Variants in LRRC4C observed in about 807,000 individuals in gnomAD.
LRRC4C encodes leucine rich repeat containing 4C.
In LRRC4C, 5 loss-of-function variants were observed where a neutral mutation model predicts 33.6. The observed-to-expected ratio is 0.15, with a 90% CI of 0.08 to 0.31. The LOEUF is 0.31. LRRC4C is among the 10% of genes least tolerant of loss of function. The pLI, the probability that LRRC4C is intolerant of heterozygous loss-of-function variation, is 1.00. For missense variants in LRRC4C, 560 were observed against 796.7 expected (o/e 0.70, Z 3.58); for synonymous variants, 329 against 302.0 (o/e 1.09, Z -0.93).
chr11:41,074,483 C>T lies in LRRC4C; in HGVS notation c.-495-140760G>A, dbSNP rs144942759. 6.7e-3 allele frequency among the ~76,000 whole-genome samples: 1,021 copies of T among 152,252 alleles called. 13 individuals are homozygous for T. The highest frequency in any genetic ancestry group is 0.023 in the African/African-American group (940 of 41,546). Reference sequence around the variant, plus strand: ...CTCAGTTTTCCCCATACAGAGCAAGCCCTGTTTCACTTTTGATTCTTTTCT... The same window carrying T: ...CTCAGTTTTCCCCATACAGAGCAAGTCCTGTTTCACTTTTGATTCTTTTCT... On this transcript the variant is annotated intron_variant, in intron 1 of 6. Transcript: ENST00000528697.
intron 1 of LRRC4C, among the ~76,000 whole-genome samples, chr11:41,158,737 A>T: frequency 6.6e-6 from 1 of 152,266 alleles, no homozygotes; most frequent in Non-Finnish European, 1.5e-5. Context: ...TACCTAAATT[A>T]AACATAAATA....
chr11:41,372,127 T>G (rs1336461586), intron 1 of LRRC4C, among the ~76,000 whole-genome samples: 2 of 152,168 alleles, frequency 1.3e-5, no homozygotes, highest in Admixed American at 1.3e-4. Flanking sequence ...CCTGGGCGAC[T>G]GAGCGAGACT....
At chr11:40,149,286 A>G (rs1289965346) in intron 5 of LRRC4C, among the ~76,000 whole-genome samples, 1 of 152,192 alleles carries the variant, frequency 6.6e-6, no homozygotes, top group African/African-American at 2.4e-5. Flanking sequence ...CAGTATAGCC[A>G]TTTTAACAAT....
intron 2 of LRRC4C, among the ~76,000 whole-genome samples, chr11:40,840,308 C>T (rs1012194412): frequency 5.3e-5 from 8 of 152,290 alleles, no homozygotes; most frequent in Non-Finnish European, 1.2e-4. Flanking sequence ...ATCTCCCAAA[C>T]ACCAGCCTTC....
chr11:40,891,979 C>A (rs867046527), intron 2 of LRRC4C, among the ~76,000 whole-genome samples: 12 of 151,394 alleles, frequency 7.9e-5, no homozygotes, highest in South Asian at 2.1e-4. Flanking sequence ...ACTAAAAATA[C>A]AAAAAATTAG....
intron 1 of LRRC4C, among the ~76,000 whole-genome samples, chr11:41,429,225 C>A (rs1170894088): frequency 6.6e-6 from 1 of 152,100 alleles, no homozygotes. Context: ...TGTTTGTTTC[C>A]CCTTCCACCA....
intron 2 of LRRC4C, among the ~76,000 whole-genome samples, chr11:40,777,606 G>T (rs540824646): frequency 6.7e-6 from 1 of 148,740 alleles, no homozygotes; most frequent in Non-Finnish European, 1.5e-5. Flanking sequence ...TTTCTATAAT[G>T]CTTTACTCTG....
In LRRC4C at chr11:41,001,376, G is replaced by A. The variant is rs184397075; in HGVS notation, c.-495-67653C>T. Reference sequence around the variant, plus strand: ...GTTAAATTTCTAACCAAATCCTTTTGTGCAATATCTTGTTCTCTCTTCTTT... The same window carrying A: ...GTTAAATTTCTAACCAAATCCTTTTATGCAATATCTTGTTCTCTCTTCTTT... On this transcript the variant is annotated intron_variant, in intron 1 of 6. Coordinates refer to ENST00000528697, the MANE Select transcript of LRRC4C (RefSeq NM_001258419.2). 1.5e-3 allele frequency among the ~76,000 whole-genome samples: 228 copies of A among 152,196 alleles called. 2 individuals are homozygous for A. Among genetic ancestry groups the A allele is most frequent in the African/African-American group, 5.4e-3 (224 of 41,536 alleles).
chr11:40,421,589 A>G (rs184349895), intron 3 of LRRC4C, among the ~76,000 whole-genome samples: 9 of 152,298 alleles, frequency 5.9e-5, no homozygotes, highest in African/African-American at 2.2e-4. Flanking sequence ...ACTAGTAGTA[A>G]TTTCTTTCCA....
chr11:40,162,419 G>T (rs1257415548), intron 5 of LRRC4C, among the ~76,000 whole-genome samples: 1 of 152,098 alleles, frequency 6.6e-6, no homozygotes, highest in East Asian at 1.9e-4. Context: ...TCTAGACCCT[G>T]GGTAAGAGAA....
chr11:40,846,982 A>T (rs998862463), intron 2 of LRRC4C, among the ~76,000 whole-genome samples: 1 of 151,962 alleles, frequency 6.6e-6, no homozygotes, highest in South Asian at 2.1e-4. Flanking sequence ...AATGCTTGTG[A>T]TTTTTGCACA....
intron 2 of LRRC4C, among the ~76,000 whole-genome samples, chr11:40,792,955 G>A (rs1372538950): frequency 1.3e-5 from 2 of 152,034 alleles, no homozygotes. Context: ...CTTGAACACA[G>A]GGCAGGGAAC....
At chr11:40,766,347 G>A in intron 2 of LRRC4C, among the ~76,000 whole-genome samples, 1 of 78,300 alleles carries the variant, frequency 1.3e-5, no homozygotes, top group Non-Finnish European at 2.2e-5. Flanking sequence ...GAGTTCTTCA[G>A]TCTGTTAAAA....
At chr11:40,609,390 C>T (rs756069417) in intron 3 of LRRC4C, among the ~76,000 whole-genome samples, 2 of 151,828 alleles carry the variant, frequency 1.3e-5, no homozygotes, top group African/African-American at 2.4e-5. Context: ...TATACCAAAA[C>T]TTATCGGATA....
chr11:41,350,572 T>C (rs1951949294), intron 1 of LRRC4C, among the ~76,000 whole-genome samples: 2 of 146,132 alleles, frequency 1.4e-5, no homozygotes, highest in Non-Finnish European at 3.0e-5. Context: ...TAGACCATGA[T>C]AAAAATGAGA....
At chr11:40,359,571 G>A (rs892368557) in intron 3 of LRRC4C, among the ~76,000 whole-genome samples, 1 of 152,006 alleles carries the variant, frequency 6.6e-6, no homozygotes, top group Non-Finnish European at 1.5e-5. Context: ...ACTATCTAAG[G>A]ATCCTTGCCT....
intron 1 of LRRC4C, among the ~76,000 whole-genome samples, chr11:40,970,081 G>A (rs879927743): frequency 6.6e-6 from 1 of 152,132 alleles, no homozygotes; most frequent in African/African-American, 2.4e-5. Flanking sequence ...CCTGAGTTTT[G>A]TAATTTCCCC....
intron 1 of LRRC4C, among the ~76,000 whole-genome samples, chr11:41,208,996 T>C (rs1336388161): frequency 6.6e-6 from 1 of 151,684 alleles, no homozygotes; most frequent in Non-Finnish European, 1.5e-5. Flanking sequence ...AGAGGATTAT[T>C]CTCAAGCCTT....
At chr11:41,418,383 T>C (rs1472676602) in intron 1 of LRRC4C, among the ~76,000 whole-genome samples, 1 of 151,974 alleles carries the variant, frequency 6.6e-6, no homozygotes, top group Non-Finnish European at 1.5e-5. Flanking sequence ...TCTGGTATGG[T>C]TGCAGGGAAG....
Sources: allele counts gnomAD v4.1 joint callset (sites outside exome capture counted in the v4.1 genomes callset), GRCh38; gene constraint gnomAD v4.1.1; transcripts MANE v1.5; gene names NCBI Gene and HGNC (gene_info 2026-07-23, HGNC 2026-07-21).